Variants in PTPRD observed in about 807,000 individuals in gnomAD.
PTPRD encodes receptor-type tyrosine-protein phosphatase delta.
PTPRD carries 34 observed loss-of-function variants against 214.5 expected under a neutral mutation model. The observed-to-expected ratio is 0.16, with a 90% CI of 0.12 to 0.21. The LOEUF is 0.21. Among genes scored for constraint, PTPRD ranks in the 10% least tolerant of loss-of-function variants. The pLI is 1.00. For synonymous variants in PTPRD, 1,128 were observed against 845.7 expected, an observed-to-expected ratio of 1.33 and a Z score of -5.79; for missense variants, 2,545 against 2,398.7, an observed-to-expected ratio of 1.06 and a Z score of -1.27.
intron 10 of PTPRD, among the ~76,000 whole-genome samples, chr9:9,076,324 T>C (rs889538343): frequency 1.4e-4 from 21 of 152,290 alleles, no homozygotes; most frequent in African/African-American, 5.1e-4. Flanking sequence ...GCAAAAATTT[T>C]CCCCCGTTCT....
chr9:9,099,013 T>C (rs527419102), intron 10 of PTPRD, among the ~76,000 whole-genome samples: 1 of 152,320 alleles, frequency 6.6e-6, no homozygotes, highest in African/African-American at 2.4e-5. Context: ...TAAAATTGAA[T>C]GGGTAATTCT....
Position 8,315,931 on chromosome 9 carries a change from G to A in PTPRD, c.*1943C>T, listed in dbSNP as rs1291364146. The A allele has an allele frequency of 5.2e-6, 1 of 191,336 alleles. No individual in the cohort carries two copies. The highest frequency in any genetic ancestry group is 4.5e-5 in the African/African-American group (1 of 22,358). 11.9% of individuals were successfully genotyped at this position (191,336 alleles called of 1,614,324 possible). A position where few individuals can be genotyped will look rare whatever the true frequency, so the allele number is the denominator to read the frequency against. Reference sequence around the variant, plus strand: ...AGAAATTCTGTTGGAAGAATTGGGGGTAAGATACATATATATATATAGTTT... The same window carrying A: ...AGAAATTCTGTTGGAAGAATTGGGGATAAGATACATATATATATATAGTTT... On this transcript the variant is annotated 3_prime_UTR_variant, in exon 46 of 46. Transcript: ENST00000381196.
At chr9:10,551,786 T>A (rs1364717126) in intron 2 of PTPRD, among the ~76,000 whole-genome samples, 1 of 152,130 alleles carries the variant, frequency 6.6e-6, no homozygotes, top group Non-Finnish European at 1.5e-5. Context: ...TGTTGGGCTT[T>A]GGCAGGATCC....
intron 6 of PTPRD, among the ~76,000 whole-genome samples, chr9:9,750,931 T>C (rs2098511665): frequency 6.6e-6 from 1 of 152,232 alleles, no homozygotes; most frequent in Non-Finnish European, 1.5e-5. Context: ...GAGCAGCCAG[T>C]TGGCTTCACA....
Position 8,449,818 on chromosome 9 carries a change from A to C in PTPRD, c.3895T>G (p.Ser1299Ala). The stretch of plus-strand genomic sequence containing the variant: ...TTGTTCGGTATGCTGCTTTTTCTAG[A>C]GTCGGACTCTGCCCTCTTCCTATAG... ...LYKRKRAESD[S>A]RKSSIPNNKE... The change falls in exon 34 of 46, where the codon TCT becomes GCT. Residue 1299 changes from serine to alanine, a missense_variant. Transcript: ENST00000381196. The C allele has an allele frequency of 6.2e-7, 1 of 1,614,040 alleles. No individual in the cohort carries two copies. Among genetic ancestry groups the C allele is most frequent in the Non-Finnish European group, 8.5e-7 (1 of 1,179,940 alleles).
At chr9:8,449,607 A>C (rs148115442) in intron 34 of PTPRD, 118 bp downstream of exon 34, 39 of 932,780 alleles carry the variant, frequency 4.2e-5, no homozygotes, top group Non-Finnish European at 1.6e-6. Context: ...AGTAAAATAA[A>C]AGAGCAGGAT....
intron 10 of PTPRD, among the ~76,000 whole-genome samples, chr9:9,148,168 G>T (rs1470433): frequency 0.28 from 42,403 of 151,984 alleles, 7,499 homozygotes; most frequent in Non-Finnish European, 0.39. Context: ...CAGAGAGAAA[G>T]TTTTTGCTAG....
chr9:9,418,512 T>G (rs540167824), intron 8 of PTPRD, among the ~76,000 whole-genome samples: 1 of 152,142 alleles, frequency 6.6e-6, no homozygotes, highest in South Asian at 2.1e-4. Context: ...TATCCAACAT[T>G]TTCTAGTTAT....
In PTPRD at chr9:10,022,397, C is replaced by A. The variant is rs975084484; in HGVS notation, c.-472+11321G>T. 2.0e-5 allele frequency among the ~76,000 whole-genome samples: 3 copies of A among 146,908 alleles called. No individual in the cohort carries two copies. In the Admixed American group the frequency reaches 2.1e-4, roughly 10 times the overall value. On this transcript the variant is annotated intron_variant, in intron 4 of 45. Transcript: ENST00000381196. Reference sequence around the variant, plus strand: ...TACATACCTTTCTAATTTATTGGCACACACAGTGAGCAATGAATAAATGTT... The same window carrying A: ...TACATACCTTTCTAATTTATTGGCAAACACAGTGAGCAATGAATAAATGTT...
At chr9:8,439,030 A>C (rs188389229) in intron 34 of PTPRD, among the ~76,000 whole-genome samples, 14 of 152,332 alleles carry the variant, frequency 9.2e-5, no homozygotes, top group Middle Eastern at 3.4e-3. Flanking sequence ...ATATATACAT[A>C]TATGTATCAC....
chr9:9,606,965 TAAAAAAAAAAAAAAAAAAAAAAA>T (rs754610072), intron 7 of PTPRD, among the ~76,000 whole-genome samples: 15 of 27,456 alleles, frequency 5.5e-4, no homozygotes, highest in Admixed American at 1.7e-3. Context: ...TCAGCACTGC[TAAAAAAAAAAAAAAAAAAAAAAA>T]AAAAAAAAAA....
rs2117102 is a variant in PTPRD at position 8,835,685 on chromosome 9, C to A, written c.-103-101739G>T. 8.9e-3 allele frequency among the ~76,000 whole-genome samples: 1,348 copies of A among 152,118 alleles called. 17 individuals are homozygous for A. The highest frequency in any genetic ancestry group is 0.03 in the African/African-American group (1,236 of 41,514). On this transcript the variant is annotated intron_variant, in intron 11 of 45. Coordinates refer to ENST00000381196, the MANE Select transcript of PTPRD (RefSeq NM_002839.4). The stretch of plus-strand genomic sequence containing the variant: ...GCTGGAACCACAGGTGTGTGTCACA[C>A]ATCCAGCTAATTTATTTTTACTTTT...
At chr9:8,795,593 T>C (rs2096390711) in intron 11 of PTPRD, among the ~76,000 whole-genome samples, 2 of 152,030 alleles carry the variant, frequency 1.3e-5, no homozygotes, top group Admixed American at 1.3e-4. Context: ...AACTTTTGGG[T>C]TGTGGAGACG....
intron 10 of PTPRD, among the ~76,000 whole-genome samples, chr9:9,132,930 G>A (rs998192862): frequency 3.9e-5 from 6 of 152,252 alleles, no homozygotes; most frequent in African/African-American, 1.4e-4. Flanking sequence ...ATAATATTAA[G>A]TTATATTCAT....
intron 9 of PTPRD, among the ~76,000 whole-genome samples, chr9:9,235,719 G>C (rs771591260): frequency 1.4e-4 from 21 of 152,152 alleles, no homozygotes; most frequent in Admixed American, 2.0e-4. Context: ...AATGTCAGCT[G>C]TCCCAGATTT....
chr9:10,561,848 A>C (rs1044915128), intron 2 of PTPRD, among the ~76,000 whole-genome samples: 9 of 152,086 alleles, frequency 5.9e-5, no homozygotes, highest in Admixed American at 2.6e-4. Context: ...TCCCCCACTT[A>C]TACTATAGCA....
chr9:9,293,317 A>G (rs1951819035), intron 9 of PTPRD, among the ~76,000 whole-genome samples: 1 of 149,122 alleles, frequency 6.7e-6, no homozygotes, highest in Non-Finnish European at 1.5e-5. Context: ...ATTGTTCCAG[A>G]TTTGGCCATT....
At position 8,404,036 on chromosome 9, in the gene PTPRD, C is replaced by G. The variant is rs2130528251; in HGVS notation, c.4210+501G>C. Among the ~76,000 whole-genome samples the G allele has an allele frequency of 1.3e-5, 2 of 152,226 alleles. 1 individual carries two copies. On this transcript the variant is annotated intron_variant, in intron 36 of 45. Coordinates refer to ENST00000381196, the MANE Select transcript of PTPRD (RefSeq NM_002839.4). ...AAGGTAATGAGAGATGCACTTCTGT[C>G]ATATGGTGTCAGGGATATTGTGGCC...
At chr9:9,642,045 GAA>G (rs368263372) in intron 7 of PTPRD, among the ~76,000 whole-genome samples, 10,320 of 149,614 alleles carry the variant, frequency 0.069, 1,026 homozygotes, top group African/African-American at 0.23. Context: ...ACTGGATTAA[GAA>G]AATGTGGCAC....
Sources: gnomAD v4.1 joint callset for allele counts (sites outside exome capture counted in the v4.1 genomes callset) on GRCh38, gnomAD v4.1.1 for gene constraint, MANE v1.5 for transcripts, NCBI Gene and HGNC (gene_info 2026-07-23, HGNC 2026-07-21) for gene names.